Variants in DPH6 observed in about 807,000 individuals in gnomAD.
DPH6 encodes diphthine--ammonia ligase.
DPH6 carries 33 observed loss-of-function variants against 38.2 expected under a neutral mutation model. The ratio of observed to expected loss-of-function variants is 0.86; its 90% CI spans 0.65 to 1.15. The LOEUF (loss-of-function observed/expected upper bound fraction) is 1.15. Ranked by LOEUF, DPH6 falls within the 50% of genes most tolerant of loss-of-function variation. DPH6 has a pLI of 0.00. For synonymous variants in DPH6, 108 were observed against 103.0 expected, an observed-to-expected ratio of 1.05 and a Z score of -0.30; for missense variants, 325 against 320.0, an observed-to-expected ratio of 1.02 and a Z score of -0.12.
At chr15:35,467,126 TA>T (rs1441158398) in intron 3 of DPH6, among the ~76,000 whole-genome samples, 2 of 152,260 alleles carry the variant, frequency 1.3e-5, no homozygotes, top group African/African-American at 2.4e-5. Context: ...ATTAACTTTT[TA>T]ATCTGTTTTT....
the DPH6 span, among the ~76,000 whole-genome samples, chr15:35,179,305 C>CA: frequency 6.6e-6 from 1 of 151,244 alleles, no homozygotes; most frequent in Non-Finnish European, 1.5e-5. Context: ...ATTCATCCCC[C>CA]AAAATTCAAG....
intron 3 of DPH6, among the ~76,000 whole-genome samples, chr15:35,340,346 G>A (rs1041076593): frequency 6.6e-6 from 1 of 152,102 alleles, no homozygotes; most frequent in Non-Finnish European, 1.5e-5. Flanking sequence ...GCCATTCTGT[G>A]TCTTTAAATT....
At chr15:35,540,521 T>C (rs1300908822) in intron 2 of DPH6, among the ~76,000 whole-genome samples, 3 of 152,066 alleles carry the variant, frequency 2.0e-5, no homozygotes, top group Non-Finnish European at 4.4e-5. Context: ...CTGATTTTCA[T>C]CAAGATGAGC....
At chr15:35,194,262 G>A in the DPH6 span, among the ~76,000 whole-genome samples, 2 of 152,100 alleles carry the variant, frequency 1.3e-5, no homozygotes, top group South Asian at 4.2e-4. Context: ...CCTGACATCG[G>A]TGCTTTAAAG....
chr15:35,506,141 T>C (rs552658917), intron 3 of DPH6, among the ~76,000 whole-genome samples: 2 of 152,234 alleles, frequency 1.3e-5, no homozygotes, highest in South Asian at 4.1e-4. Flanking sequence ...TATATCTTTA[T>C]CTTATTTAGG....
the DPH6 span, among the ~76,000 whole-genome samples, chr15:35,178,638 T>C: frequency 6.6e-6 from 1 of 152,160 alleles, no homozygotes; most frequent in Non-Finnish European, 1.5e-5. Context: ...CTGGCAAATA[T>C]TGTATACAGA....
At position 35,338,001 on chromosome 15, in the gene DPH6, C is replaced by T. The variant is rs1245413307; in HGVS notation, n.208-6924G>A. ...CATTGTAGAAAGCTGAAACCGGATC[C>T]CTTCCTTACACCTTATACAAAAATT... is the stretch of plus-strand genomic sequence containing the variant. On this transcript the variant is annotated intron_variant and non_coding_transcript_variant, in intron 3 of 3. Transcript: ENST00000558973. Among the ~76,000 whole-genome samples the T allele has an allele frequency of 3.9e-5, 6 of 151,902 alleles. No homozygotes were observed. The East Asian group carries it at 1.2e-3, about 29-fold the overall frequency.
intron 3 of DPH6, among the ~76,000 whole-genome samples, chr15:35,351,961 C>G (rs1228151269): frequency 6.6e-6 from 1 of 152,084 alleles, no homozygotes; most frequent in Non-Finnish European, 1.5e-5. Flanking sequence ...CTCAAGCAGT[C>G]CTCCCATCTC....
At chr15:35,521,397 C>T (rs986130029) in intron 3 of DPH6, 55 of 1,083,864 alleles carry the variant, frequency 5.1e-5, no homozygotes, top group Non-Finnish European at 6.0e-5. Flanking sequence ...TCTAAAGAAT[C>T]TGTAAGATCC....
intron 3 of DPH6, among the ~76,000 whole-genome samples, chr15:35,264,461 G>A (rs1034495386): frequency 1.6e-4 from 25 of 152,216 alleles, no homozygotes; most frequent in African/African-American, 5.3e-4. Context: ...TGCATAAAGC[G>A]TAATGGACTT....
In DPH6 at chr15:35,313,240, A is replaced by ATTTT. The variant is rs370160874; in HGVS notation, n.200+60277_200+60280dup. 2.9e-3 allele frequency among the ~76,000 whole-genome samples: 418 copies of ATTTT among 142,426 alleles called. 2 individuals are homozygous for ATTTT. The highest frequency in any genetic ancestry group is 0.01 in the African/African-American group (393 of 38,918). 93.4% of individuals were successfully genotyped at this position (142,426 alleles called of 152,430 possible). A position where few individuals can be genotyped will look rare whatever the true frequency, so the allele number is the denominator to read the frequency against. Reference sequence around the variant, plus strand: ...AGAGTGAGACTCAGTTTAAAAAAAAATTTTTTTTTTTTTTTTAAATCAGGT... The same window carrying ATTTT: ...AGAGTGAGACTCAGTTTAAAAAAAAATTTTTTTTTTTTTTTTTTTTAAATCAGGT... On this transcript the variant is annotated intron_variant and non_coding_transcript_variant, in intron 3 of 3. Coordinates refer to the DPH6 transcript ENST00000560386.
the DPH6 span, among the ~76,000 whole-genome samples, chr15:35,156,915 T>C: frequency 6.6e-6 from 1 of 152,302 alleles, no homozygotes; most frequent in East Asian, 1.9e-4. Context: ...CCTGAATGTG[T>C]AGATTTTCCT....
the DPH6 span, among the ~76,000 whole-genome samples, chr15:35,190,366 T>C: frequency 2.0e-5 from 3 of 152,104 alleles, no homozygotes; most frequent in Non-Finnish European, 2.9e-5. Context: ...TTTTTAAGGA[T>C]AAGTTGGTGG....
chr15:35,260,261 TCA>T (rs2051737576), intron 3 of DPH6, among the ~76,000 whole-genome samples: 1 of 151,942 alleles, frequency 6.6e-6, no homozygotes, highest in Non-Finnish European at 1.5e-5. Flanking sequence ...GCACCTGCCA[TCA>T]CGCCCAGCTA....
At chr15:35,262,598 G>T (rs1044341951) in intron 3 of DPH6, among the ~76,000 whole-genome samples, 2 of 150,490 alleles carry the variant, frequency 1.3e-5, no homozygotes, top group African/African-American at 4.9e-5. Context: ...CCCAGCTACT[G>T]GAGAGGCTGA....
chr15:35,513,416 C>T (rs186425855), intron 3 of DPH6, among the ~76,000 whole-genome samples: 355 of 151,880 alleles, frequency 2.3e-3, no homozygotes, highest in Non-Finnish European at 2.8e-3. Context: ...TACTAAAAAC[C>T]CAGTTCCAGA....
intron 3 of DPH6, chr15:35,489,217 G>T: frequency 2.1e-6 from 1 of 484,394 alleles, no homozygotes; most frequent in Non-Finnish European, 2.7e-6. Flanking sequence ...ATATAATCTT[G>T]GAAACCACAG....
At chr15:35,237,140 C>T (rs1290566066) in intron 3 of DPH6, 2 of 591,436 alleles carry the variant, frequency 3.4e-6, no homozygotes, top group Non-Finnish European at 6.0e-6. Flanking sequence ...TTTACAAAAA[C>T]CTCTCCCAGT....
the DPH6 span, among the ~76,000 whole-genome samples, chr15:35,186,026 G>A: frequency 2.0e-5 from 3 of 151,986 alleles, no homozygotes; most frequent in Admixed American, 1.3e-4. Flanking sequence ...GAGCCACTGC[G>A]CCCGGCCCCC....
Sources: gnomAD v4.1 joint callset for allele counts (sites outside exome capture counted in the v4.1 genomes callset) on GRCh38, gnomAD v4.1.1 for gene constraint, MANE v1.5 for transcripts, NCBI Gene and HGNC (gene_info 2026-07-23, HGNC 2026-07-21) for gene names.